KIF13B: variants seen among roughly 807,000 people sequenced by gnomAD.
KIF13B encodes the protein kinesin-like protein KIF13B.
Under a neutral mutation model 222.0 loss-of-function variants are expected in KIF13B, and 127 were observed. The observed-to-expected ratio is 0.57, with a 90% CI of 0.50 to 0.66. The LOEUF (loss-of-function observed/expected upper bound fraction) is 0.66. Among genes scored for constraint, KIF13B ranks in the 30% least tolerant of loss-of-function variants. KIF13B has a pLI of 0.00. For missense variants in KIF13B, 2,173 were observed against 2,379.0 expected (o/e 0.91, Z 1.80); for synonymous variants, 976 against 919.0 (o/e 1.06, Z -1.12).
chr8:29,236,831 TAAAC>T (rs1178924435), intron 2 of KIF13B, among the ~76,000 whole-genome samples: 2 of 152,164 alleles, frequency 1.3e-5, no homozygotes, highest in Non-Finnish European at 2.9e-5. Context: ...TTCTCAAAAT[TAAAC>T]AATCAAATCA....
intron 5 of KIF13B, 32 bp from the exon 6 acceptor site, chr8:29,186,504 C>A (rs1812935329): frequency 6.4e-7 from 1 of 1,557,728 alleles, no homozygotes. Flanking sequence ...TTACTATTGT[C>A]TCTTTGAGAC....
intron 1 of KIF13B, among the ~76,000 whole-genome samples, chr8:29,254,195 A>T (rs1183588638): frequency 6.6e-6 from 1 of 152,242 alleles, no homozygotes. Context: ...CTCCAACTGG[A>T]TCAAAGATCT....
At chr8:29,125,672 C>G (rs1480249018) in intron 26 of KIF13B, among the ~76,000 whole-genome samples, 4 of 151,556 alleles carry the variant, frequency 2.6e-5, no homozygotes, top group Non-Finnish European at 4.4e-5. Flanking sequence ...CCTGACAGTC[C>G]TGAACGATGA....
chr8:29,223,519 G>C (rs1814863719), intron 2 of KIF13B, among the ~76,000 whole-genome samples: 5 of 151,976 alleles, frequency 3.3e-5, no homozygotes, highest in Non-Finnish European at 1.5e-5. Context: ...CAATTTAAAT[G>C]GATAAAAGAT....
In KIF13B at chr8:29,088,859, C is replaced by A. The variant is rs767981695; in HGVS notation, c.4458+3886G>T. 2.6e-5 allele frequency among the ~76,000 whole-genome samples: 4 copies of A among 152,316 alleles called. No homozygotes were observed. In the South Asian group the frequency reaches 8.3e-4, roughly 32 times the overall value. ...TGTGACCCAAGTAAGAAAAAGTTTT[C>A]TTGACATTATCATCTATAATTCTAA... On this transcript the variant is annotated intron_variant, in intron 37 of 39. Transcript: ENST00000524189.
intron 36 of KIF13B, among the ~76,000 whole-genome samples, chr8:29,098,704 A>C (rs187850559): frequency 7.8e-4 from 119 of 152,240 alleles, no homozygotes; most frequent in African/African-American, 2.7e-3. Flanking sequence ...TGAAACATTT[A>C]AGGAAGAGGT....
chr8:29,218,692 C>T (rs1484967496), intron 2 of KIF13B, among the ~76,000 whole-genome samples: 1 of 152,072 alleles, frequency 6.6e-6, no homozygotes, highest in Non-Finnish European at 1.5e-5. Flanking sequence ...GCAGAAAAAA[C>T]AAAAAGCTGT....
chr8:29,138,251 C>T (rs1039889324), intron 21 of KIF13B, among the ~76,000 whole-genome samples: 5 of 152,214 alleles, frequency 3.3e-5, no homozygotes. Flanking sequence ...GGGAGAATCG[C>T]TTGAACCCAG....
chr8:29,203,853 C>T (rs1813808842), intron 2 of KIF13B, among the ~76,000 whole-genome samples: 1 of 135,424 alleles, frequency 7.4e-6, no homozygotes, highest in Non-Finnish European at 1.5e-5. Context: ...GAGATCACAC[C>T]ACTGCACTCC....
intron 31 of KIF13B, among the ~76,000 whole-genome samples, chr8:29,114,486 A>T (rs1292517762): frequency 1.3e-5 from 2 of 152,234 alleles, no homozygotes; most frequent in Admixed American, 1.3e-4. Flanking sequence ...GTCAAGGTAT[A>T]GAGATCACTG....
chr8:29,101,391 G>A (rs890202223), intron 35 of KIF13B, among the ~76,000 whole-genome samples: 14 of 152,066 alleles, frequency 9.2e-5, no homozygotes, highest in Non-Finnish European at 1.6e-4. Context: ...ATATGGCTGC[G>A]GTCTGTCCCT....
intron 7 of KIF13B, 125 bp from the exon 8 acceptor site, chr8:29,180,363 TG>T: frequency 1.0e-6 from 1 of 953,970 alleles, no homozygotes; most frequent in Non-Finnish European, 1.6e-6. Context: ...GTTAACATTT[TG>T]TTTCTCAATG....
At chr8:29,207,210 T>C (rs978441893) in intron 2 of KIF13B, among the ~76,000 whole-genome samples, 4 of 152,192 alleles carry the variant, frequency 2.6e-5, no homozygotes, top group African/African-American at 9.7e-5. Context: ...ATGCCTCCAC[T>C]GCATTACTCT....
chr8:29,118,825 A>C, intron 30 of KIF13B, 43 bp downstream of exon 30: 2 of 1,608,118 alleles, frequency 1.2e-6, no homozygotes. Flanking sequence ...GAGGTTAAGG[A>C]AACCACTTTT....
At chr8:29,253,786 C>G (rs958812496) in intron 1 of KIF13B, among the ~76,000 whole-genome samples, 1 of 123,932 alleles carries the variant, frequency 8.1e-6, no homozygotes, top group Non-Finnish European at 1.6e-5. Flanking sequence ...GCCAAGATTA[C>G]GACATTACAC....
At chr8:29,090,145 A>T (rs567891633) in intron 37 of KIF13B, among the ~76,000 whole-genome samples, 1 of 152,246 alleles carries the variant, frequency 6.6e-6, no homozygotes, top group African/African-American at 2.4e-5. Flanking sequence ...AGTACTGGTG[A>T]GCGAATAAAG....
At chr8:29,258,176 T>C (rs1422694134) in intron 1 of KIF13B, among the ~76,000 whole-genome samples, 3 of 152,146 alleles carry the variant, frequency 2.0e-5, no homozygotes, top group Non-Finnish European at 4.4e-5. Context: ...GTCCCTTCAT[T>C]TCCTAAGGGT....
intron 1 of KIF13B, among the ~76,000 whole-genome samples, chr8:29,255,644 G>C (rs1485801178): frequency 6.6e-6 from 1 of 151,992 alleles, no homozygotes; most frequent in Non-Finnish European, 1.5e-5. Context: ...GTTTCTCAGA[G>C]GAATGTTCTT....
intron 3 of KIF13B, among the ~76,000 whole-genome samples, chr8:29,191,577 A>AT (rs1813189899): frequency 6.6e-6 from 1 of 152,240 alleles, no homozygotes; most frequent in South Asian, 2.1e-4. Flanking sequence ...TGAAAAAGTT[A>AT]TAAAAGTCTA....
Sources: allele counts gnomAD v4.1 joint callset (sites outside exome capture counted in the v4.1 genomes callset), GRCh38; gene constraint gnomAD v4.1.1; transcripts MANE v1.5; gene names NCBI Gene and HGNC (gene_info 2026-07-23, HGNC 2026-07-21).